Variants in IGFBP4 observed in about 807,000 individuals in gnomAD.
The protein encoded by IGFBP4 is insulin-like growth factor-binding protein 4.
Under a neutral mutation model 25.8 loss-of-function variants are expected in IGFBP4, and 9 were observed. The ratio of observed to expected loss-of-function variants is 0.35; its 90% CI spans 0.21 to 0.61. The LOEUF (loss-of-function observed/expected upper bound fraction) is 0.61. IGFBP4 is among the 20% of genes least tolerant of loss of function. The pLI is 0.77. For synonymous variants in IGFBP4, 153 were observed against 153.9 expected, an observed-to-expected ratio of 0.99 and a Z score of 0.05; for missense variants, 315 against 365.3, an observed-to-expected ratio of 0.86 and a Z score of 1.12.
At position 40,443,843 on chromosome 17, in the gene IGFBP4, G is replaced by T. The variant is rs572455516; in HGVS notation, c.108G>T (p.Ala36=). ...CGCCCTGCTCCGAGGAGAAGCTGGC[G>T]CGCTGCCGCCCCCCCGTGGGCTGCG... ...HCPPCSEEKL[A]RCRPPVGCEE... is the part of the protein sequence containing the mutation. Residue 36 remains alanine (A), a synonymous_variant, in exon 1 of 4, where the codon GCG becomes GCT. Coordinates refer to ENST00000269593, the MANE Select transcript of IGFBP4 (RefSeq NM_001552.3). The T allele has an allele frequency of 3.9e-6, 6 of 1,532,762 alleles. No individual in the cohort carries two copies. The highest frequency in any genetic ancestry group is 1.4e-5 in the African/African-American group (1 of 72,580). The allele number at this position is 1,532,762 out of a possible 1,614,324, so 94.9% of individuals were successfully genotyped here.
At position 40,453,004 on chromosome 17, in the gene IGFBP4, C is replaced by T. The variant is rs370749692; in HGVS notation, c.369C>T (p.His123=). The T allele has an allele frequency of 1.3e-6, 2 of 1,563,134 alleles. No homozygotes were observed. Among genetic ancestry groups the T allele is most frequent in the African/African-American group, 1.4e-5 (1 of 72,722 alleles). The change falls in exon 2 of 4, where the codon CAC becomes CAT. Residue 123 remains histidine (H), a synonymous_variant. Transcript: ENST00000269593. The surrounding 1 kb of genome is among the most constrained non-coding windows in gnomAD (Gnocchi z 4.0). ...ATACAGACAAGGACGAGGGTGACCA[C>T]CCCAACAACAGCTTCAGCCCCTGTA... ...LQPSDKDEGD[H]PNNSFSPCSA...
chr17:40,444,099 G>C lies in IGFBP4; in HGVS notation c.349+15G>C, dbSNP rs1250284999. 2 of 1,522,060 alleles carry C rather than the reference G, an allele frequency of 1.3e-6. No individual in the cohort carries two copies. The highest frequency in any genetic ancestry group is 1.8e-6 in the Non-Finnish European group (2 of 1,134,836). 94.3% of individuals were successfully genotyped at this position (1,522,060 alleles called of 1,614,324 possible). A position where few individuals can be genotyped will look rare whatever the true frequency, so the allele number is the denominator to read the frequency against. ...GCAGCCCTCTGGTAAGGTACCCCTG[G>C]CCTCCCAATTCCCTCCTGAGTGCGC... On this transcript the variant is annotated intron_variant, in intron 1 of 3. Transcript: ENST00000269593.
chr17:40,447,403 G>C (rs10305286), intron 1 of IGFBP4, among the ~76,000 whole-genome samples: 56 of 152,330 alleles, frequency 3.7e-4, no homozygotes, highest in African/African-American at 1.3e-3. Context: ...GCGTTTGGAC[G>C]GGGAGTTCCT....
chr17:40,454,013 T>G lies in IGFBP4; in HGVS notation c.593T>G (p.Ile198Ser), dbSNP rs1191344243. Residue 198 changes from isoleucine (I) to serine (S), a missense_variant, in exon 3 of 4, where the codon ATC (isoleucine) becomes AGC (serine). Coordinates refer to ENST00000269593, the MANE Select transcript of IGFBP4 (RefSeq NM_001552.3). ...SQSRTHEDLY[I>S]IPIPNCDRNG... ...AGCCGCACCCACGAGGACCTCTACA[T>G]CATCCCCATCCCCAACTGCGACCGC... 6.2e-7 allele frequency: 1 copy of G among 1,613,052 alleles called. No individual in the cohort carries two copies. The highest frequency in any genetic ancestry group is 1.3e-5 in the African/African-American group (1 of 74,986).
rs780645543 is a variant in IGFBP4, at chr17:40,452,969, C to T, written c.350-16C>T. The T allele has an allele frequency of 2.0e-6, 3 of 1,493,188 alleles. No individual in the cohort carries two copies. Among genetic ancestry groups the T allele is most frequent in the Admixed American group, 2.1e-5 (1 of 46,996 alleles). The allele number at this position is 1,493,188 out of a possible 1,614,324, so 92.5% of individuals were successfully genotyped here. On this transcript the variant is annotated splice_polypyrimidine_tract_variant and intron_variant, in intron 1 of 3. Transcript: ENST00000269593. The stretch of plus-strand genomic sequence containing the variant: ...TCTTCCGGTGCTGACCTCTCCTTAT[C>T]GCTACCTGAATACAGACAAGGACGA...
rs182668918 is a variant in IGFBP4 at position 40,456,764 on chromosome 17, G to A, written c.*181G>A. ...GCGTGTGTGTGTGTTTGTGAGCATG[G>A]GTGTGCCCTTGGGGTAAGCCAGAGC... On this transcript the variant is annotated 3_prime_UTR_variant, in exon 4 of 4. Coordinates refer to ENST00000269593, the MANE Select transcript of IGFBP4 (RefSeq NM_001552.3). The A allele has an allele frequency of 1.6e-6, 1 of 617,902 alleles. No homozygotes were observed. The highest frequency in any genetic ancestry group is 3.0e-5 in the East Asian group (1 of 33,654). 38.3% of individuals were successfully genotyped at this position (617,902 alleles called of 1,614,324 possible). A position where few individuals can be genotyped will look rare whatever the true frequency, so the allele number is the denominator to read the frequency against.
intron 1 of IGFBP4, among the ~76,000 whole-genome samples, chr17:40,445,351 C>T (rs1353370803): frequency 6.6e-6 from 1 of 152,212 alleles, no homozygotes; most frequent in Non-Finnish European, 1.5e-5. Flanking sequence ...ATCTCCGACC[C>T]TGTTTTGCTC....
At chr17:40,454,177 A>G (rs755895331) in intron 3 of IGFBP4, 115 bp downstream of exon 3, 586 of 1,416,916 alleles carry the variant, frequency 4.1e-4, no homozygotes, top group Non-Finnish European at 5.3e-4. Context: ...CTCAACCCCA[A>G]CCCAACCCCT....
chr17:40,456,480 A>G lies in IGFBP4; in HGVS notation c.674A>G (p.Lys225Arg), dbSNP rs2035714825. The change falls in exon 4 of 4, where the codon AAG becomes AGG. Residue 225 changes from lysine (K) to arginine (R), a missense_variant. By Grantham distance (26) the Lys-to-Arg change is conservative. Transcript: ENST00000269593. ...CHPALDGQRG[K>R]CWCVDRKTGV... is the part of the protein sequence containing the mutation. Reference sequence around the variant, plus strand: ...CCAGCTCTGGATGGGCAGCGTGGCAAGTGCTGGTGTGTGGACCGGAAGACG... The same window carrying G: ...CCAGCTCTGGATGGGCAGCGTGGCAGGTGCTGGTGTGTGGACCGGAAGACG... The G allele has an allele frequency of 2.5e-6, 4 of 1,613,850 alleles. No individual in the cohort carries two copies. In the South Asian group the frequency reaches 4.4e-5, roughly 18 times the overall value.
chr17:40,450,744 T>C (rs961945821), intron 1 of IGFBP4, among the ~76,000 whole-genome samples: 1 of 151,738 alleles, frequency 6.6e-6, no homozygotes, highest in African/African-American at 2.4e-5. Flanking sequence ...AGGCTAGTCT[T>C]GAACTCCTGG....
chr17:40,449,564 C>T (rs888818115), intron 1 of IGFBP4, among the ~76,000 whole-genome samples: 6 of 152,066 alleles, frequency 3.9e-5, no homozygotes, highest in South Asian at 2.1e-4. Context: ...CTGGCTAACA[C>T]GGTGAAACTT....
In IGFBP4 at chr17:40,443,671, C is replaced by G; in HGVS notation, c.-65C>G. ...GCCGCCGTGTGCCCTCCGCCGCTCG[C>G]CCGCGCGCCCGCGCTCCCCGCCTGC... On this transcript the variant is annotated 5_prime_UTR_variant, in exon 1 of 4. Coordinates refer to ENST00000269593, the MANE Select transcript of IGFBP4 (RefSeq NM_001552.3). 1 of 937,244 alleles carries G rather than the reference C, an allele frequency of 1.1e-6. No individual in the cohort carries two copies. The highest frequency in any genetic ancestry group is 1.3e-6 in the Non-Finnish European group (1 of 753,092). The allele number at this position is 937,244 out of a possible 1,614,324, so 58.1% of individuals were successfully genotyped here. A position where few individuals can be genotyped will look rare whatever the true frequency, so the allele number is the denominator to read the frequency against.
chr17:40,452,382 C>A (rs1380701809), intron 1 of IGFBP4, among the ~76,000 whole-genome samples: 2 of 152,228 alleles, frequency 1.3e-5, no homozygotes, highest in Non-Finnish European at 2.9e-5. Flanking sequence ...CACTCACACA[C>A]ACACTCACTC....
intron 3 of IGFBP4, among the ~76,000 whole-genome samples, chr17:40,455,057 A>T (rs142128544): frequency 7.9e-4 from 121 of 152,234 alleles, no homozygotes; most frequent in African/African-American, 2.8e-3. Context: ...TTATCCTAAC[A>T]CGAATTTTAT....
intron 1 of IGFBP4, among the ~76,000 whole-genome samples, chr17:40,449,859 C>T (rs1473019237): frequency 1.3e-5 from 2 of 152,156 alleles, no homozygotes; most frequent in African/African-American, 4.8e-5. Context: ...TGCTACCACC[C>T]TAATTCTCCA....
At position 40,445,949 on chromosome 17, in the gene IGFBP4, C is replaced by T. The variant is rs112848666; in HGVS notation, c.349+1865C>T. 4.9e-3 allele frequency among the ~76,000 whole-genome samples: 749 copies of T among 152,132 alleles called. 2 individuals are homozygous for T. Among genetic ancestry groups the T allele is most frequent in the Middle Eastern group, 0.034 (10 of 294 alleles). ...CATCCTCTGGTTGGGTAGGAATACT[C>T]CATCCTGTAGTGGAGGAAAATAAGA... On this transcript the variant is annotated intron_variant, in intron 1 of 3. Transcript: ENST00000269593.
chr17:40,445,966 A>C (rs1216163486), intron 1 of IGFBP4, among the ~76,000 whole-genome samples: 1 of 152,052 alleles, frequency 6.6e-6, no homozygotes, highest in Non-Finnish European at 1.5e-5. Context: ...GTAGTGGAGG[A>C]AAATAAGATC....
chr17:40,449,051 C>G (rs575165796), intron 1 of IGFBP4, among the ~76,000 whole-genome samples: 1 of 152,288 alleles, frequency 6.6e-6, no homozygotes, highest in African/African-American at 2.4e-5. Flanking sequence ...CTGGTGGGTG[C>G]TACTCCGTGT....
At chr17:40,450,004 A>G (rs976303051) in intron 1 of IGFBP4, among the ~76,000 whole-genome samples, 3 of 152,146 alleles carry the variant, frequency 2.0e-5, no homozygotes, top group Non-Finnish European at 4.4e-5. Context: ...TGTACAAAAT[A>G]GTGCTTGCTT....
Sources: gnomAD v4.1 joint callset for allele counts (sites outside exome capture counted in the v4.1 genomes callset) on GRCh38, gnomAD v4.1.1 for gene constraint, Gnocchi (gnomAD v3.1) non-coding constraint, MANE v1.5 for transcripts, NCBI Gene and HGNC (gene_info 2026-07-23, HGNC 2026-07-21) for gene names.